The following MCC variants were observed in gnomAD, a reference collection of about 807,000 sequenced individuals.
The protein encoded by MCC is colorectal mutant cancer protein.
In MCC, 90 loss-of-function variants were observed where a neutral mutation model predicts 116.2. That is an observed-to-expected ratio of 0.77 (90% CI 0.65 to 0.92). The LOEUF (loss-of-function observed/expected upper bound fraction) is 0.92. MCC is among the 40% of genes least tolerant of loss of function. The pLI is 0.00. For synonymous variants in MCC, 578 were observed against 510.5 expected, an observed-to-expected ratio of 1.13 and a Z score of -1.78; for missense variants, 1,516 against 1,312.2, an observed-to-expected ratio of 1.16 and a Z score of -2.40.
At chr5:113,487,860 G>T (rs1201245302) in intron 1 of MCC, among the ~76,000 whole-genome samples, 2 of 152,188 alleles carry the variant, frequency 1.3e-5, no homozygotes, top group African/African-American at 4.8e-5. Context: ...TCGCTGCCCC[G>T]TGCTGCGGCA....
chr5:113,383,259 C>T (rs1033154148), intron 2 of MCC, among the ~76,000 whole-genome samples: 6 of 152,132 alleles, frequency 3.9e-5, no homozygotes, highest in African/African-American at 1.4e-4. Context: ...AACACTTCAA[C>T]TATGTATGTG....
intron 3 of MCC, among the ~76,000 whole-genome samples, chr5:113,217,248 C>T (rs971133568): frequency 3.3e-5 from 5 of 152,196 alleles, no homozygotes; most frequent in Non-Finnish European, 7.3e-5. Flanking sequence ...GGTTAAAAAG[C>T]ACTAGTGGTG....
intron 3 of MCC, among the ~76,000 whole-genome samples, chr5:113,227,893 C>T (rs1249897658): frequency 6.6e-6 from 1 of 152,206 alleles, no homozygotes; most frequent in Non-Finnish European, 1.5e-5. Flanking sequence ...TAAAGGAAGA[C>T]TGCTCATCAG....
At chr5:113,234,346 T>C (rs1186665102) in intron 3 of MCC, 2 of 152,086 alleles carry the variant, frequency 1.3e-5, no homozygotes, top group Admixed American at 6.6e-5. Flanking sequence ...TAAAAATATA[T>C]AAATTTTAAT....
chr5:113,077,232 C>G (rs1298916330), intron 11 of MCC, among the ~76,000 whole-genome samples: 1 of 152,136 alleles, frequency 6.6e-6, no homozygotes, highest in Non-Finnish European at 1.5e-5. Flanking sequence ...CTACTGTCAA[C>G]ATTAGACAGA....
chr5:113,476,677 G>C (rs1218524323), intron 1 of MCC, among the ~76,000 whole-genome samples: 1 of 152,142 alleles, frequency 6.6e-6, no homozygotes, highest in Non-Finnish European at 1.5e-5. Context: ...AAAGGCCACA[G>C]AATGTACAAT....
At chr5:113,262,227 C>T (rs1765244051) in intron 3 of MCC, among the ~76,000 whole-genome samples, 1 of 152,092 alleles carries the variant, frequency 6.6e-6, no homozygotes. Flanking sequence ...CATACAAGCT[C>T]CACAGATTGC....
chr5:113,313,163 G>C (rs1053466372), intron 3 of MCC, among the ~76,000 whole-genome samples: 1 of 152,116 alleles, frequency 6.6e-6, no homozygotes, highest in East Asian at 1.9e-4. Context: ...TGGCCAACAT[G>C]GTGAAACCCC....
At chr5:113,184,759 T>A (rs570786049) in intron 3 of MCC, among the ~76,000 whole-genome samples, 2 of 152,248 alleles carry the variant, frequency 1.3e-5, no homozygotes, top group East Asian at 3.9e-4. Flanking sequence ...ACATAGAACT[T>A]CTGGGTAAAA....
intron 3 of MCC, among the ~76,000 whole-genome samples, chr5:113,336,606 C>T: frequency 6.7e-6 from 1 of 148,200 alleles, no homozygotes; most frequent in East Asian, 1.9e-4. Context: ...ATCTGACAAA[C>T]CTATAGTAAC....
At chr5:113,457,220 G>T (rs1366671331) in intron 1 of MCC, among the ~76,000 whole-genome samples, 1 of 152,252 alleles carries the variant, frequency 6.6e-6, no homozygotes, top group Non-Finnish European at 1.5e-5. Flanking sequence ...GCCTGGGCTT[G>T]GCGGGCCCCA....
At chr5:113,358,409 C>T (rs1768465404) in intron 2 of MCC, among the ~76,000 whole-genome samples, 1 of 152,108 alleles carries the variant, frequency 6.6e-6, no homozygotes, top group African/African-American at 2.4e-5. Context: ...CTCTGGCCAC[C>T]CCTCTGTTTT....
At chr5:113,086,601 A>C (rs1755214093) in intron 8 of MCC, among the ~76,000 whole-genome samples, 1 of 152,348 alleles carries the variant, frequency 6.6e-6, no homozygotes, top group Non-Finnish European at 1.5e-5. Context: ...CTGCTCCTCT[A>C]TAGTTACAAC....
At chr5:113,432,874 C>T (rs554672374) in intron 1 of MCC, 1 of 152,292 alleles carries the variant, frequency 6.6e-6, no homozygotes, top group East Asian at 1.9e-4. Context: ...GAGTTAAAAA[C>T]AGGAATATAA....
chr5:113,420,307 CA>C (rs1770293686), intron 1 of MCC, among the ~76,000 whole-genome samples: 1 of 151,822 alleles, frequency 6.6e-6, no homozygotes, highest in African/African-American at 2.4e-5. Flanking sequence ...AAGTTAGACG[CA>C]AAGAATAACA....
At chr5:113,351,420 A>T (rs1383564196) in intron 2 of MCC, among the ~76,000 whole-genome samples, 1 of 152,198 alleles carries the variant, frequency 6.6e-6, no homozygotes, top group East Asian at 1.9e-4. Context: ...TCATTATGTT[A>T]AATGAAATAA....
At chr5:113,110,067 C>A (rs913556989) in intron 6 of MCC, among the ~76,000 whole-genome samples, 4 of 152,162 alleles carry the variant, frequency 2.6e-5, no homozygotes, top group Non-Finnish European at 5.9e-5. Context: ...AATCCGCCCA[C>A]CTCAGCTCCC....
At chr5:113,096,327 T>C (rs1171020823) in intron 8 of MCC, among the ~76,000 whole-genome samples, 1 of 152,170 alleles carries the variant, frequency 6.6e-6, no homozygotes. Context: ...ACAATCATAA[T>C]GTGGGGGAGT....
At chr5:113,406,964 T>C (rs1769853625) in intron 1 of MCC, among the ~76,000 whole-genome samples, 1 of 152,114 alleles carries the variant, frequency 6.6e-6, no homozygotes, top group Admixed American at 6.5e-5. Flanking sequence ...GCAGAATAGA[T>C]AAGTAAATAA....
Sources: allele counts gnomAD v4.1 joint callset (sites outside exome capture counted in the v4.1 genomes callset), GRCh38; gene constraint gnomAD v4.1.1; transcripts MANE v1.5; gene names NCBI Gene and HGNC (gene_info 2026-07-23, HGNC 2026-07-21).